The following FRMD3 variants were observed in gnomAD, a reference collection of about 807,000 sequenced individuals.
FRMD3 encodes FERM domain containing 3, also known as FERM domain-containing protein 3.
In FRMD3, 33 loss-of-function variants were observed where a neutral mutation model predicts 70.2. That is an observed-to-expected ratio of 0.47 (90% CI 0.36 to 0.63). FRMD3 has a LOEUF of 0.63. FRMD3 is among the 20% of genes least tolerant of loss of function. The pLI, the probability that FRMD3 is intolerant of heterozygous loss-of-function variation, is 0.00. For synonymous variants in FRMD3, 279 were observed against 255.9 expected (o/e 1.09, Z -0.86); for missense variants, 632 against 711.4 (o/e 0.89, Z 1.27).
At chr9:83,374,792 A>C (rs1825091195) in intron 2 of FRMD3, among the ~76,000 whole-genome samples, 1 of 152,190 alleles carries the variant, frequency 6.6e-6, no homozygotes, top group Admixed American at 6.5e-5. Flanking sequence ...GCATCTTTCA[A>C]TATATGTGCT....
At chr9:83,585,655 G>A in the FRMD3 span, among the ~76,000 whole-genome samples, 26 of 152,180 alleles carry the variant, frequency 1.7e-4, no homozygotes, top group Admixed American at 1.3e-3. Context: ...AGAGAGACAG[G>A]AGCGTGAGTC....
intron 1 of FRMD3, among the ~76,000 whole-genome samples, chr9:83,452,261 T>G (rs913939495): frequency 2.6e-5 from 4 of 152,200 alleles, no homozygotes; most frequent in Admixed American, 6.5e-5. Flanking sequence ...ATACTCAGAA[T>G]GAGTTGGCCC....
At chr9:83,479,067 A>T (rs1016070249) in intron 1 of FRMD3, among the ~76,000 whole-genome samples, 1 of 152,096 alleles carries the variant, frequency 6.6e-6, no homozygotes, top group Non-Finnish European at 1.5e-5. Flanking sequence ...CTATACATCA[A>T]TAAGAAAAAT....
chr9:83,563,214 C>T, the FRMD3 span, among the ~76,000 whole-genome samples: 1 of 152,160 alleles, frequency 6.6e-6, no homozygotes, highest in African/African-American at 2.4e-5. Context: ...ACCCCTACAC[C>T]TCCCAGGATA....
intron 9 of FRMD3, 126 bp from the exon 10 acceptor site, chr9:83,309,750 T>G (rs1269294661): frequency 1.7e-6 from 1 of 586,418 alleles, no homozygotes; most frequent in Non-Finnish European, 3.1e-6. Context: ...TGAAGTAACT[T>G]AACATATTGC....
the FRMD3 span, among the ~76,000 whole-genome samples, chr9:83,579,842 A>C: frequency 6.6e-6 from 1 of 152,130 alleles, no homozygotes; most frequent in African/African-American, 2.4e-5. Flanking sequence ...AACAAGGTGA[A>C]GAGACATCTT....
chr9:83,458,044 T>C (rs1032124238), intron 1 of FRMD3, among the ~76,000 whole-genome samples: 4 of 149,344 alleles, frequency 2.7e-5, no homozygotes, highest in African/African-American at 9.9e-5. Flanking sequence ...TCACCTAGAT[T>C]CTGAAACAGG....
the FRMD3 span, among the ~76,000 whole-genome samples, chr9:83,545,356 G>GTTTTTTTTTTTTTTTT: frequency 2.6e-5 from 3 of 117,612 alleles, no homozygotes; most frequent in Non-Finnish European, 5.2e-5. Flanking sequence ...GTTTTTTTTT[G>GTTTTTTTTTTTTTTTT]TTTTTTTTTT....
At chr9:83,331,264 A>G (rs1234388225) in intron 6 of FRMD3, among the ~76,000 whole-genome samples, 2 of 152,240 alleles carry the variant, frequency 1.3e-5, no homozygotes, top group East Asian at 3.8e-4. Flanking sequence ...ATATTATTTT[A>G]TGCCAAAAGG....
intron 6 of FRMD3, among the ~76,000 whole-genome samples, chr9:83,330,863 A>T (rs989595672): frequency 2.0e-5 from 3 of 152,214 alleles, no homozygotes; most frequent in Non-Finnish European, 4.4e-5. Flanking sequence ...TTCACATGAT[A>T]TTAAAAGGCC....
chr9:83,343,943 G>A (rs1823864979), intron 4 of FRMD3, among the ~76,000 whole-genome samples: 2 of 152,194 alleles, frequency 1.3e-5, no homozygotes, highest in African/African-American at 2.4e-5. Flanking sequence ...GAAGCAGGAT[G>A]GGACACAGCA....
chr9:83,368,451 C>T (rs1273532321), intron 3 of FRMD3, among the ~76,000 whole-genome samples: 1 of 152,014 alleles, frequency 6.6e-6, no homozygotes. Flanking sequence ...CCTGCCTCAG[C>T]CTCCCGAGTA....
At chr9:83,413,770 TCTCAACTAGATGACAGA>T (rs1299222143) in intron 1 of FRMD3, among the ~76,000 whole-genome samples, 19 of 152,134 alleles carry the variant, frequency 1.2e-4, no homozygotes, top group African/African-American at 4.6e-4. Flanking sequence ...CCTTCACTAA[TCTCAACTAGATGACAGA>T]CTCAACTAGA....
intron 1 of FRMD3, among the ~76,000 whole-genome samples, chr9:83,429,175 T>C (rs1053756261): frequency 6.6e-6 from 1 of 152,208 alleles, no homozygotes; most frequent in Admixed American, 6.5e-5. Context: ...CTCTTCGTAG[T>C]CATGCCATAG....
At chr9:83,499,865 G>A (rs527966602) in intron 1 of FRMD3, among the ~76,000 whole-genome samples, 2 of 152,094 alleles carry the variant, frequency 1.3e-5, no homozygotes, top group African/African-American at 2.4e-5. Flanking sequence ...CCTTTAATAG[G>A]TGAATAGTTA....
Position 83,246,234 on chromosome 9 carries a change from G to A in FRMD3, c.*1684C>T. On this transcript the variant is annotated 3_prime_UTR_variant, in exon 14 of 14. Coordinates refer to ENST00000304195, the MANE Select transcript of FRMD3 (RefSeq NM_174938.6). ...CCCTGTAACTTTGTACATTAGGGCAGTGGAATGTTTTCAATCCACAGAGAA... is the reference window on the plus strand; with the variant it reads ...CCCTGTAACTTTGTACATTAGGGCAATGGAATGTTTTCAATCCACAGAGAA... 1 of 984,790 alleles carries A rather than the reference G, an allele frequency of 1.0e-6. No individual in the cohort carries two copies. The highest frequency in any genetic ancestry group is 1.2e-6 in the Non-Finnish European group (1 of 829,428). The allele number at this position is 984,790 out of a possible 1,614,324, so 61.0% of individuals were successfully genotyped here. A position where few individuals can be genotyped will look rare whatever the true frequency, so the allele number is the denominator to read the frequency against.
chr9:83,395,035 T>C lies in FRMD3; in HGVS notation c.148-5327A>G, dbSNP rs114032548. ...GCACCAGGCATTGAGATAGGGATTA[T>C]AAATAAGCAAAGAGTGAAACCTAGA... On this transcript the variant is annotated intron_variant, in intron 1 of 13. Coordinates refer to ENST00000304195, the MANE Select transcript of FRMD3 (RefSeq NM_174938.6). 7.5e-3 allele frequency among the ~76,000 whole-genome samples: 1,144 copies of C among 152,304 alleles called. 12 individuals carry two copies. The highest frequency in any genetic ancestry group is 0.025 in the African/African-American group (1,020 of 41,566).
intron 1 of FRMD3, among the ~76,000 whole-genome samples, chr9:83,525,383 A>T (rs1829663754): frequency 6.6e-6 from 1 of 152,198 alleles, no homozygotes. Flanking sequence ...TTGTTTGAGC[A>T]ATTTTGTAGA....
the FRMD3 span, among the ~76,000 whole-genome samples, chr9:83,570,543 T>C: frequency 6.6e-6 from 1 of 152,324 alleles, no homozygotes; most frequent in East Asian, 1.9e-4. Flanking sequence ...GCTTGGATTG[T>C]TGAAGAACAG....
Sources: allele counts gnomAD v4.1 joint callset (sites outside exome capture counted in the v4.1 genomes callset), GRCh38; gene constraint gnomAD v4.1.1; transcripts MANE v1.5; gene names NCBI Gene and HGNC (gene_info 2026-07-23, HGNC 2026-07-21).